Variants in EXOC3L1 observed in about 807,000 individuals in gnomAD.
The protein encoded by EXOC3L1 is exocyst complex component 3 like 1.
In EXOC3L1, 79 loss-of-function variants were observed where a neutral mutation model predicts 83.6. The ratio of observed to expected loss-of-function variants is 0.95; its 90% confidence interval spans 0.79 to 1.14. The LOEUF (loss-of-function observed/expected upper bound fraction) is 1.14, where lower values mean the gene tolerates loss of function less well. Among genes scored for constraint, EXOC3L1 ranks in the 50% most tolerant of loss-of-function variants. The probability of loss-of-function intolerance (pLI) is 0.00; values close to 1 mark genes in which losing one functional copy is unlikely to be tolerated. For missense variants in EXOC3L1, 945 were observed against 972.0 expected (o/e 0.97, Z 0.37); for synonymous variants, 433 against 451.2 (o/e 0.96, Z 0.51).
chr16:67,187,438 A>G lies in EXOC3L1; in HGVS notation c.827T>C (p.Leu276Pro), dbSNP rs953367423. Residue 276 changes from leucine to proline, a missense_variant, in exon 5 of 14, where the codon CTG (leucine) becomes CCG (proline). Physicochemically the swap from Leu to Pro is moderately conservative, Grantham distance 98. Transcript: ENST00000314586. ...LPAPGALPGW[L>P]EALRVALPVE... ...TGGCAGGGCCACTCGCAGAGCCTCC[A>G]GCCACCCTGGTAGGGCCCCTGGTGC... 16 of 1,610,240 alleles carry G rather than the reference A, an allele frequency of 9.9e-6. No individual in the cohort carries two copies. In the Admixed American group the frequency reaches 1.8e-4, roughly 18 times the overall value.
At chr16:67,189,712 G>A (rs771107859) in intron 1 of EXOC3L1, 29 bp from the exon 2 acceptor site, 19 of 1,610,908 alleles carry the variant, frequency 1.2e-5, no homozygotes, top group South Asian at 2.2e-5. Context: ...AGGTGGGCCC[G>A]GGGCAAGCAG....
Position 67,184,508 on chromosome 16 carries a change from C to T in EXOC3L1, c.2127G>A (p.Pro709=). Reference sequence around the variant, plus strand: ...GGACGCGGCGGCTCGCGCGGGGCGACGGCGGCAGCGCAGCCTGCAGGGAGC... The same window carrying T: ...GGACGCGGCGGCTCGCGCGGGGCGATGGCGGCAGCGCAGCCTGCAGGGAGC... ...ALSSLQAALP[P]SPRASRRVLF... is the part of the protein sequence containing the mutation. The change falls in exon 14 of 14, where the codon CCG becomes CCA. Residue 709 remains proline (P), a synonymous_variant. Coordinates refer to ENST00000314586, the MANE Select transcript of EXOC3L1 (RefSeq NM_178516.4). The T allele has an allele frequency of 6.6e-7, 1 of 1,518,982 alleles. No homozygotes were observed. Among genetic ancestry groups the T allele is most frequent in the Non-Finnish European group, 8.8e-7 (1 of 1,141,104 alleles). 94.1% of individuals were successfully genotyped at this position (1,518,982 alleles called of 1,614,324 possible).
At position 67,188,732 on chromosome 16, in the gene EXOC3L1, C is replaced by A. The variant is rs375475698; in HGVS notation, c.416G>T (p.Arg139Leu). 1 of 1,610,252 alleles carries A rather than the reference C, an allele frequency of 6.2e-7. No homozygotes were observed. The highest frequency in any genetic ancestry group is 8.5e-7 in the Non-Finnish European group (1 of 1,178,312). Residue 139 changes from arginine (R) to leucine (L), a missense_variant, in exon 4 of 14, where the codon CGG becomes CTG. By Grantham distance (102) the Arg-to-Leu change is moderately radical. Coordinates refer to ENST00000314586, the MANE Select transcript of EXOC3L1 (RefSeq NM_178516.4). ...CCCTGCATGCTCACCTGCCCGCAGC[C>A]GAGGCAGCAGGTGAGACAGGGCCTG... ...QLQALSHLLP[R>L]LRAVPAAVSH...
intron 11 of EXOC3L1, 28 bp from the exon 12 acceptor site, chr16:67,185,085 G>C (rs755106466): frequency 3.7e-6 from 6 of 1,612,082 alleles, no homozygotes; most frequent in African/African-American, 1.3e-5. Context: ...GGCGGGTGCA[G>C]GTCGCCTCTC....
intron 1 of EXOC3L1, 49 bp from the exon 2 acceptor site, chr16:67,189,732 A>T: frequency 6.3e-7 from 1 of 1,577,372 alleles, no homozygotes; most frequent in East Asian, 2.2e-5. Flanking sequence ...GGCAGAGTAG[A>T]TGCCCCTGTG....
At chr16:67,189,729 T>C in intron 1 of EXOC3L1, 46 bp from the exon 2 acceptor site, 2 of 1,585,954 alleles carry the variant, frequency 1.3e-6, no homozygotes, top group African/African-American at 1.3e-5. Context: ...GCAGGCAGAG[T>C]AGATGCCCCT....
At chr16:67,188,622 C>G in intron 4 of EXOC3L1, 99 bp downstream of exon 4, 2 of 1,179,526 alleles carry the variant, frequency 1.7e-6, no homozygotes, top group Non-Finnish European at 2.4e-6. Flanking sequence ...GTGTGCTGCT[C>G]TATGCAGTTC....
chr16:67,188,096 T>C (rs1597271226), intron 4 of EXOC3L1, among the ~76,000 whole-genome samples: 1 of 151,852 alleles, frequency 6.6e-6, no homozygotes, highest in South Asian at 2.1e-4. Context: ...ATACAAAAAT[T>C]AGCCAGGCAT....
rs775150481 is a variant in EXOC3L1, at chr16:67,184,937, C to T, written c.1870G>A (p.Asp624Asn). The change falls in exon 12 of 14, where the codon GAT becomes AAT. Residue 624 changes from aspartate (D) to asparagine (N), a missense_variant. Asp to Asn is a conservative substitution (Grantham distance 23). Transcript: ENST00000314586. ...RTQAAERLRH[D>N]AAQLQQLFLS... Reference sequence around the variant, plus strand: ...AAAAGCTGCTGAAGCTGGGCAGCATCGTGCCGCAGGCGCTCGGCCGCCTGG... The same window carrying T: ...AAAAGCTGCTGAAGCTGGGCAGCATTGTGCCGCAGGCGCTCGGCCGCCTGG... The T allele has an allele frequency of 1.2e-6, 2 of 1,611,960 alleles. No homozygotes were observed. Among genetic ancestry groups the T allele is most frequent in the South Asian group, 2.2e-5 (2 of 90,994 alleles).
chr16:67,187,468 A>T lies in EXOC3L1; in HGVS notation c.797T>A (p.Leu266Gln). 6.2e-7 allele frequency: 1 copy of T among 1,607,448 alleles called. No individual in the cohort carries two copies. Among genetic ancestry groups the T allele is most frequent in the Non-Finnish European group, 8.5e-7 (1 of 1,179,638 alleles). The change falls in exon 5 of 14, where the codon CTG becomes CAG. Residue 266 changes from leucine (L) to glutamine (Q), a missense_variant. Physicochemically the swap from Leu to Gln is moderately radical, Grantham distance 113. Coordinates refer to ENST00000314586, the MANE Select transcript of EXOC3L1 (RefSeq NM_178516.4). ...CCCTGGTAGGGCCCCTGGTGCAGGC[A>T]GCAGAGGTGACCCAAAGTGGGCCTG... is the stretch of plus-strand genomic sequence containing the variant. ...LEQAHFGSPL[L>Q]PAPGALPGWL...
Position 67,186,876 on chromosome 16 carries a change from C to T in EXOC3L1, c.1167G>A (p.Val389=), listed in dbSNP as rs542750527. ...ATFVANIQAS[V]SQWLQNALDG... ...CCAGTGCATTCTGCAGCCACTGAGA[C>T]ACACTTGCCTGGGGGGAGGGGCCAG... The change falls in exon 7 of 14, where the codon GTG becomes GTA. Residue 389 remains valine (V), a synonymous_variant. Transcript: ENST00000314586. 6.2e-7 allele frequency: 1 copy of T among 1,613,610 alleles called. No homozygotes were observed. The highest frequency in any genetic ancestry group is 2.2e-5 in the East Asian group (1 of 44,888).
rs1350343833 is a variant in EXOC3L1, at chr16:67,185,233, C to T, written c.1652G>A (p.Arg551His). The change falls in exon 11 of 14, where the codon CGC becomes CAC. Residue 551 changes from arginine to histidine, a missense_variant. Arg to His is a conservative substitution (Grantham distance 29). Transcript: ENST00000314586. ...LQPLFADLPSRQWLSSPELLQ... is the reference protein window; with the variant it reads ...LQPLFADLPSHQWLSSPELLQ... ...GAGCTCAGGGCTCGACAGCCATTGG[C>T]GCGAGGGCAGATCCGCGAACAGGGG... 2 of 1,613,384 alleles carry T rather than the reference C, an allele frequency of 1.2e-6. No homozygotes were observed. The highest frequency in any genetic ancestry group is 1.1e-5 in the South Asian group (1 of 91,076).
intron 9 of EXOC3L1, 28 bp downstream of exon 9, chr16:67,186,209 G>A: frequency 1.4e-6 from 2 of 1,475,410 alleles, no homozygotes; most frequent in East Asian, 4.9e-5. Context: ...GTTAGTGAAG[G>A]TGGGGTTCCC....
rs773843478 is a variant in EXOC3L1 at position 67,186,852 on chromosome 16, C to G, written c.1191G>C (p.Leu397=). 6.2e-7 allele frequency: 1 copy of G among 1,613,646 alleles called. No homozygotes were observed. The highest frequency in any genetic ancestry group is 8.5e-7 in the Non-Finnish European group (1 of 1,180,012). ...GGCCCCACTCAGCTACCTCCCCATC[C>G]AGTGCATTCTGCAGCCACTGAGACA... ...ASVSQWLQNA[L]DGEVAEWGRE... is the part of the protein sequence containing the mutation. The change falls in exon 7 of 14, where the codon CTG becomes CTC. Residue 397 remains leucine (L), a synonymous_variant. Transcript: ENST00000314586.
rs2032755357 is a variant in EXOC3L1, at chr16:67,187,229, GGTACACAT to G, written c.1028_1035del (p.His343ProfsTer14). The G allele has an allele frequency of 5.0e-6, 8 of 1,610,134 alleles. No individual in the cohort carries two copies. The highest frequency in any genetic ancestry group is 2.7e-5 in the African/African-American group (2 of 74,870). ...CGCTGCCCCAAAGGCACTGACCCCA[GGTACACAT>G]GCAGTGCCCAGTGCAGCAAGGCGAA... On this transcript the variant is annotated frameshift_variant, in exon 5 of 14. Transcript: ENST00000314586. LOFTEE classifies it high-confidence loss of function.
intron 9 of EXOC3L1, 86 bp downstream of exon 9, chr16:67,186,151 G>A (rs1392388031): frequency 3.2e-6 from 3 of 923,654 alleles, no homozygotes; most frequent in Non-Finnish European, 3.5e-6. Context: ...AAAGTCCCTA[G>A]TGTCCTAGTG....
intron 11 of EXOC3L1, 36 bp downstream of exon 11, chr16:67,185,100 G>T (rs1282254273): frequency 1.2e-6 from 2 of 1,612,638 alleles, no homozygotes; most frequent in Non-Finnish European, 8.5e-7. Context: ...CCTCTCACCC[G>T]CGCCGCCCCT....
chr16:67,189,594 C>G, intron 2 of EXOC3L1, 37 bp downstream of exon 2: 1 of 1,612,868 alleles, frequency 6.2e-7, no homozygotes, highest in Non-Finnish European at 8.5e-7. Context: ...TCTTTGTTGC[C>G]ATCATTCCTC....
chr16:67,188,685 A>G (rs908990092), intron 4 of EXOC3L1, 36 bp downstream of exon 4: 3 of 1,581,158 alleles, frequency 1.9e-6, no homozygotes, highest in Admixed American at 1.7e-5. Flanking sequence ...TGGACTGACT[A>G]TTGGAGGCTG....
Sources: allele counts gnomAD v4.1 joint callset (sites outside exome capture counted in the v4.1 genomes callset), GRCh38; gene constraint gnomAD v4.1.1; transcripts MANE v1.5; gene names NCBI Gene and HGNC (gene_info 2026-07-23, HGNC 2026-07-21).